The following CSMD3 variants were observed in gnomAD, a reference collection of about 807,000 sequenced individuals.
The protein encoded by CSMD3 is CUB and sushi domain-containing protein 3.
Under a neutral mutation model 435.2 loss-of-function variants are expected in CSMD3, and 177 were observed. The ratio of observed to expected loss-of-function variants is 0.41; its 90% CI spans 0.36 to 0.46. The LOEUF (loss-of-function observed/expected upper bound fraction) is 0.46. Ranked by LOEUF, CSMD3 falls within the 20% of genes least tolerant of loss-of-function variation. CSMD3 has a pLI of 0.34. For missense variants in CSMD3, 4,265 were observed against 4,504.6 expected (o/e 0.95, Z 1.52); for synonymous variants, 1,656 against 1,520.5 (o/e 1.09, Z -2.07).
At chr8:112,716,464 G>A (rs1232570462) in intron 13 of CSMD3, among the ~76,000 whole-genome samples, 1 of 152,094 alleles carries the variant, frequency 6.6e-6, no homozygotes, top group East Asian at 1.9e-4. Context: ...TTCATATATA[G>A]GAAGAATCAA....
At chr8:112,801,165 G>A (rs1267298617) in intron 12 of CSMD3, among the ~76,000 whole-genome samples, 2 of 152,002 alleles carry the variant, frequency 1.3e-5, no homozygotes, top group East Asian at 3.9e-4. Context: ...CTACTTTATT[G>A]CTAAAACCAT....
chr8:112,912,180 T>C (rs577593670), intron 10 of CSMD3, among the ~76,000 whole-genome samples: 1 of 151,482 alleles, frequency 6.6e-6, no homozygotes, highest in African/African-American at 2.4e-5. Flanking sequence ...CTTAGGTTGA[T>C]TACATATCTT....
At chr8:112,533,506 G>A (rs1395072877) in intron 27 of CSMD3, among the ~76,000 whole-genome samples, 1 of 151,832 alleles carries the variant, frequency 6.6e-6, no homozygotes, top group Admixed American at 6.6e-5. Flanking sequence ...TCAAAAAACT[G>A]AAAAGATACA....
intron 1 of CSMD3, among the ~76,000 whole-genome samples, chr8:113,319,414 T>A (rs955327436): frequency 1.3e-5 from 2 of 152,054 alleles, no homozygotes; most frequent in African/African-American, 4.8e-5. Context: ...TTATTGTTTT[T>A]TCTGCTATTG....
At chr8:112,986,915 GTAGA>G (rs1395998839) in intron 6 of CSMD3, among the ~76,000 whole-genome samples, 1 of 151,920 alleles carries the variant, frequency 6.6e-6, no homozygotes, top group Non-Finnish European at 1.5e-5. Context: ...AGATAATTAG[GTAGA>G]TAAAGATATA....
intron 38 of CSMD3, among the ~76,000 whole-genome samples, chr8:112,378,731 G>T (rs1471154041): frequency 6.6e-6 from 1 of 152,092 alleles, no homozygotes; most frequent in African/African-American, 2.4e-5. Flanking sequence ...AAATTCTGAT[G>T]TTTGATAAGC....
chr8:113,285,209 A>T (rs2093637362), intron 2 of CSMD3, among the ~76,000 whole-genome samples: 1 of 151,616 alleles, frequency 6.6e-6, no homozygotes, highest in African/African-American at 2.4e-5. Context: ...AAGTCATTGA[A>T]TTAAAGGTGA....
rs1217294939 is a variant in CSMD3, at chr8:113,063,291, T to C, written c.917+35465A>G. On this transcript the variant is annotated intron_variant, in intron 5 of 70. Coordinates refer to ENST00000297405, the MANE Select transcript of CSMD3 (RefSeq NM_198123.2). The stretch of plus-strand genomic sequence containing the variant: ...CAGTAACAGAACATTTTTCTCTCTT[T>C]CATAGTACTTTCTATTTAACTAATA... Among the ~76,000 whole-genome samples the C allele has an allele frequency of 2.0e-5, 3 of 152,068 alleles. No individual in the cohort carries two copies. In the East Asian group the frequency reaches 5.8e-4, roughly 29 times the overall value.
chr8:112,387,565 G>T (rs1830085861), intron 36 of CSMD3, among the ~76,000 whole-genome samples: 1 of 150,664 alleles, frequency 6.6e-6, no homozygotes, highest in African/African-American at 2.4e-5. Flanking sequence ...TGGTTAATTA[G>T]AAAAAGGTCC....
intron 2 of CSMD3, among the ~76,000 whole-genome samples, chr8:113,289,554 CAGAGAGAGAGAGAGAGAG>C (rs66595138): frequency 1.5e-4 from 22 of 143,186 alleles, no homozygotes; most frequent in Admixed American, 5.6e-4. Flanking sequence ...CAGAGAGAGA[CAGAGAGAGAGAGAGAGAG>C]AGAGAGAGAG....
At chr8:112,521,032 T>C (rs548725058) in intron 27 of CSMD3, among the ~76,000 whole-genome samples, 25 of 152,128 alleles carry the variant, frequency 1.6e-4, no homozygotes, top group African/African-American at 6.0e-4. Flanking sequence ...TTAAACACTG[T>C]TAAGGACTTA....
At chr8:112,681,894 C>T (rs1225007387) in intron 16 of CSMD3, among the ~76,000 whole-genome samples, 1 of 151,810 alleles carries the variant, frequency 6.6e-6, no homozygotes, top group Non-Finnish European at 1.5e-5. Flanking sequence ...AAAGATCATA[C>T]ATATATATCA....
rs370999694 is a variant in CSMD3 at position 112,406,750 on chromosome 8, T to C, written c.5606-23A>G. ...CAGCTGTGTAGAAATATTATATTTA[T>C]TTTAATTTTATATGGTAGACAAATA... On this transcript the variant is annotated intron_variant, in intron 34 of 70. Coordinates refer to ENST00000297405, the MANE Select transcript of CSMD3 (RefSeq NM_198123.2). 141 of 1,443,682 alleles carry C rather than the reference T, an allele frequency of 9.8e-5. 1 individual carries two copies. The East Asian group carries it at 1.5e-3, about 15-fold the overall frequency. The allele number at this position is 1,443,682 out of a possible 1,614,324, so 89.4% of individuals were successfully genotyped here. A position where few individuals can be genotyped will look rare whatever the true frequency, so the allele number is the denominator to read the frequency against.
At chr8:113,397,821 A>AAAAT (rs10615805) in intron 1 of CSMD3, among the ~76,000 whole-genome samples, 3,959 of 143,098 alleles carry the variant, frequency 0.028, 67 homozygotes, top group Middle Eastern at 0.038. Flanking sequence ...GTCCGTCTCA[A>AAAAT]AAATAAATAA....
At chr8:112,600,637 G>C (rs1365484991) in intron 22 of CSMD3, among the ~76,000 whole-genome samples, 1 of 152,092 alleles carries the variant, frequency 6.6e-6, no homozygotes, top group Non-Finnish European at 1.5e-5. Flanking sequence ...TATCCTGAGA[G>C]TAAGGAAACA....
chr8:112,786,946 G>A (rs1272370928), intron 13 of CSMD3, among the ~76,000 whole-genome samples: 2 of 151,938 alleles, frequency 1.3e-5, no homozygotes, highest in African/African-American at 4.8e-5. Flanking sequence ...ATGTGCTCTC[G>A]TTGTTCAACT....
At chr8:112,418,535 G>C (rs1426264586) in intron 32 of CSMD3, among the ~76,000 whole-genome samples, 1 of 152,028 alleles carries the variant, frequency 6.6e-6, no homozygotes, top group African/African-American at 2.4e-5. Flanking sequence ...TGTATATCAT[G>C]ATTTTAAAGG....
At chr8:113,012,132 G>C (rs1020720734) in intron 6 of CSMD3, among the ~76,000 whole-genome samples, 2 of 151,766 alleles carry the variant, frequency 1.3e-5, no homozygotes, top group Non-Finnish European at 2.9e-5. Flanking sequence ...TCAAAATTCT[G>C]TTCTCTTAAA....
chr8:112,861,466 A>G (rs947976415), intron 10 of CSMD3, among the ~76,000 whole-genome samples: 2 of 151,790 alleles, frequency 1.3e-5, no homozygotes, highest in African/African-American at 2.4e-5. Flanking sequence ...CTCTTCTTTG[A>G]TTTACCATAC....
Sources: gnomAD v4.1 joint callset for allele counts (sites outside exome capture counted in the v4.1 genomes callset) on GRCh38, gnomAD v4.1.1 for gene constraint, MANE v1.5 for transcripts, NCBI Gene and HGNC (gene_info 2026-07-23, HGNC 2026-07-21) for gene names.